Variants in XDH observed in about 807,000 individuals in gnomAD.
XDH encodes the protein xanthine dehydrogenase/oxidase.
A neutral mutation model predicts 156.1 loss-of-function variants in XDH; 138 were observed. The ratio of observed to expected loss-of-function variants is 0.88; its 90% CI spans 0.77 to 1.02. The LOEUF is 1.02. Among genes scored for constraint, XDH ranks in the 50% least tolerant of loss-of-function variants. XDH has a pLI of 0.00. For synonymous variants in XDH, 669 were observed against 625.7 expected, an observed-to-expected ratio of 1.07 and a Z score of -1.03; for missense variants, 1,849 against 1,684.9, an observed-to-expected ratio of 1.10 and a Z score of -1.71.
In XDH at chr2:31,335,954, C is replaced by G. The variant is rs369487180; in HGVS notation, c.*4G>C. The G allele has an allele frequency of 3.7e-6, 6 of 1,614,110 alleles. No homozygotes were observed. In the African/African-American group the frequency reaches 8.0e-5, roughly 22 times the overall value. ...ACAAGAAGACTCTGCTGAGGACTCTCTCTTTAGACCCTCACAGACCAGGGT... is the reference window on the plus strand; with the variant it reads ...ACAAGAAGACTCTGCTGAGGACTCTGTCTTTAGACCCTCACAGACCAGGGT... On this transcript the variant is annotated 3_prime_UTR_variant, in exon 36 of 36. Coordinates refer to ENST00000379416, the MANE Select transcript of XDH (RefSeq NM_000379.4).
intron 4 of XDH, among the ~76,000 whole-genome samples, chr2:31,400,236 C>CTTT (rs34200607): frequency 1.0e-4 from 13 of 124,672 alleles, no homozygotes; most frequent in East Asian, 4.8e-4. Context: ...CTGGTAACTT[C>CTTT]TTTTTTTTTT....
At chr2:31,400,537 T>G (rs1382375609) in intron 4 of XDH, among the ~76,000 whole-genome samples, 1 of 152,262 alleles carries the variant, frequency 6.6e-6, no homozygotes, top group South Asian at 2.1e-4. Flanking sequence ...AGGGCTCTAC[T>G]CCCCTTTCTT....
At chr2:31,337,589 A>G (rs111487149) in intron 35 of XDH, 52 bp downstream of exon 35, 20 of 1,612,320 alleles carry the variant, frequency 1.2e-5, no homozygotes, top group African/African-American at 5.3e-5. Context: ...GCAGTTTGCC[A>G]GCCTATCCCT....
chr2:31,369,996 G>A lies in XDH; in HGVS notation c.1980+359C>T, dbSNP rs766436742. On this transcript the variant is annotated intron_variant, in intron 18 of 35. Coordinates refer to ENST00000379416, the MANE Select transcript of XDH (RefSeq NM_000379.4). Reference sequence around the variant, plus strand: ...TCATGTAAGTGAATTACCAATTCACGTAGTGGTGGTATTGTGATTTCTAGT... The same window carrying A: ...TCATGTAAGTGAATTACCAATTCACATAGTGGTGGTATTGTGATTTCTAGT... Among the ~76,000 whole-genome samples the A allele has an allele frequency of 3.9e-5, 6 of 152,198 alleles. No homozygotes were observed. The East Asian group carries it at 5.8e-4, about 15-fold the overall frequency.
Position 31,366,850 on chromosome 2 carries a change from C to T in XDH, c.2322+20G>A, listed in dbSNP as rs374993322. The T allele has an allele frequency of 6.2e-7, 1 of 1,613,792 alleles. No individual in the cohort carries two copies. Among genetic ancestry groups the T allele is most frequent in the Non-Finnish European group, 8.5e-7 (1 of 1,179,980 alleles). ...CCCGCTACCCTGACAGCCCCTTGAG[C>T]TGACCCAAAAGGCATCTACCTGGGT... On this transcript the variant is annotated intron_variant, in intron 21 of 35. Coordinates refer to ENST00000379416, the MANE Select transcript of XDH (RefSeq NM_000379.4).
rs45601433 is a variant in XDH at position 31,380,229 on chromosome 2, A to G, written c.1133-253T>C. Among the ~76,000 whole-genome samples, 2,733 of 152,242 alleles carry G rather than the reference A, an allele frequency of 0.018. 40 individuals are homozygous for G. Among genetic ancestry groups the G allele is most frequent in the African/African-American group, 0.028 (1,146 of 41,542 alleles). On this transcript the variant is annotated intron_variant, in intron 12 of 35. Transcript: ENST00000379416. ...AAGCCCTGGTTTATAGCATTTGCCA[A>G]TTTCTGTGGTGTAAATACTTCCAGG...
chr2:31,389,298 A>T (rs1261661695), intron 6 of XDH, among the ~76,000 whole-genome samples: 1 of 152,112 alleles, frequency 6.6e-6, no homozygotes, highest in Non-Finnish European at 1.5e-5. Flanking sequence ...GAGAAGTTGT[A>T]AGCAGGCAGG....
At position 31,375,449 on chromosome 2, in the gene XDH, G is replaced by A. The variant is rs763715303; in HGVS notation, c.1533C>T (p.Leu511=). The A allele has an allele frequency of 6.8e-6, 11 of 1,614,120 alleles. No individual in the cohort carries two copies. The Admixed American group carries it at 1.2e-4, about 17-fold the overall frequency. ...PGGMVDFRCT[L]TLSFFFKFYL... ...AGAACTTGAAGAAGAAGCTGAGGGT[G>A]AGGGTGCACCGGAAGTCCACCATGC... The change falls in exon 15 of 36, where the codon CTC becomes CTT. Residue 511 remains leucine (L), a synonymous_variant. Transcript: ENST00000379416.
chr2:31,364,196 A>G lies in XDH; in HGVS notation c.2593T>C (p.Phe865Leu). 1 of 1,614,158 alleles carries G rather than the reference A, an allele frequency of 6.2e-7. No individual in the cohort carries two copies. Among genetic ancestry groups the G allele is most frequent in the Non-Finnish European group, 8.5e-7 (1 of 1,180,030 alleles). Residue 865 changes from phenylalanine to leucine, a missense_variant, in exon 24 of 36, where the codon TTC becomes CTC. Transcript: ENST00000379416. ...GTVVALEVDH[F>L]SNVGNTQDLS... is the part of the protein sequence containing the mutation. Reference sequence around the variant, plus strand: ...TCCTGGGTGTTCCCCACATTGCTGAAGTGGTCCACCTCAAGAGCCACAACT... The same window carrying G: ...TCCTGGGTGTTCCCCACATTGCTGAGGTGGTCCACCTCAAGAGCCACAACT...
chr2:31,386,747 G>A (rs1339499779), intron 8 of XDH, among the ~76,000 whole-genome samples, 192 bp from the exon 9 acceptor site: 1 of 152,096 alleles, frequency 6.6e-6, no homozygotes, highest in African/African-American at 2.4e-5. Flanking sequence ...AGACTTCCAT[G>A]AAGGAGGCAT....
intron 24 of XDH, among the ~76,000 whole-genome samples, chr2:31,352,289 G>C (rs1003219192): frequency 2.0e-5 from 3 of 152,010 alleles, no homozygotes; most frequent in Admixed American, 1.3e-4. Flanking sequence ...GTAACATTCT[G>C]TTCCTTCTTT....
At chr2:31,360,614 CTG>C (rs1250348046) in intron 24 of XDH, among the ~76,000 whole-genome samples, 1 of 152,236 alleles carries the variant, frequency 6.6e-6, no homozygotes, top group African/African-American at 2.4e-5. Context: ...CTTATCCACA[CTG>C]TGTACTACCT....
intron 24 of XDH, among the ~76,000 whole-genome samples, chr2:31,352,864 G>A (rs1685520388): frequency 6.7e-6 from 1 of 149,594 alleles, no homozygotes; most frequent in South Asian, 2.1e-4. Context: ...GGGAATGTCG[G>A]CTTTTCCTGA....
At chr2:31,378,186 G>T (rs2148777649) in intron 13 of XDH, among the ~76,000 whole-genome samples, 1 of 88,994 alleles carries the variant, frequency 1.1e-5, no homozygotes, top group South Asian at 3.5e-4. Flanking sequence ...AAGCAAGCAA[G>T]CAAGCAAAGC....
chr2:31,388,017 A>C (rs1234831463), intron 7 of XDH, 120 bp from the exon 8 acceptor site: 1 of 1,227,300 alleles, frequency 8.1e-7, no homozygotes, highest in Non-Finnish European at 1.2e-6. Flanking sequence ...CTGCAAGAGG[A>C]GCAGGTAATC....
intron 14 of XDH, among the ~76,000 whole-genome samples, chr2:31,375,777 A>C (rs1686228771): frequency 6.6e-6 from 1 of 152,240 alleles, no homozygotes; most frequent in South Asian, 2.1e-4. Flanking sequence ...AAATAATAAC[A>C]GTTAAAATCT....
chr2:31,383,984 G>A (rs1686513477), intron 9 of XDH, 137 bp from the exon 10 acceptor site: 1 of 836,702 alleles, frequency 1.2e-6, no homozygotes, highest in South Asian at 1.4e-5. Context: ...GACTGTAGGT[G>A]TCTGGGAATA....
At position 31,342,348 on chromosome 2, in the gene XDH, C is replaced by G. The variant is rs150152467; in HGVS notation, c.3405-51G>C. Reference sequence around the variant, plus strand: ...CACATGTATTAACATGAACACACCCCCTTCCCTATGCACGTACAGCTTGAC... The same window carrying G: ...CACATGTATTAACATGAACACACCCGCTTCCCTATGCACGTACAGCTTGAC... On this transcript the variant is annotated intron_variant, in intron 31 of 35. Transcript: ENST00000379416. 2.1e-4 allele frequency: 308 copies of G among 1,481,102 alleles called. 1 individual carries two copies. In the African/African-American group the frequency reaches 3.2e-3, roughly 15 times the overall value. The allele number at this position is 1,481,102 out of a possible 1,614,324, so 91.7% of individuals were successfully genotyped here.
At position 31,339,491 on chromosome 2, in the gene XDH, T is replaced by G; in HGVS notation, c.3772A>C (p.Lys1258Gln). The G allele has an allele frequency of 1.2e-6, 2 of 1,613,968 alleles. No homozygotes were observed. Among genetic ancestry groups the G allele is most frequent in the Middle Eastern group, 1.7e-4 (1 of 5,926 alleles). Residue 1258 changes from lysine to glutamine, a missense_variant and splice_region_variant, in exon 34 of 36, where the codon AAG becomes CAG. Transcript: ENST00000379416. Reference protein sequence around the residue: ...CPNKKAIYASKAVGEPPLFLA... With the variant: ...CPNKKAIYASQAVGEPPLFLA... ...GCACAGAGCCAGAGCAATGGTACCT[T>G]CGATGCATAGATGGCCTTCTTGTTG... is the stretch of plus-strand genomic sequence containing the variant.
Sources: gnomAD v4.1 joint callset for allele counts (sites outside exome capture counted in the v4.1 genomes callset) on GRCh38, gnomAD v4.1.1 for gene constraint, MANE v1.5 for transcripts, NCBI Gene and HGNC (gene_info 2026-07-23, HGNC 2026-07-21) for gene names.